DAB1: variants seen among roughly 807,000 people sequenced by gnomAD.
DAB1 encodes the protein DAB adaptor protein 1.
In DAB1, 15 loss-of-function variants were observed where a neutral mutation model predicts 64.6. That is an observed-to-expected ratio of 0.23 (90% CI 0.16 to 0.36). The LOEUF (loss-of-function observed/expected upper bound fraction) is 0.36. Ranked by LOEUF, DAB1 falls within the 10% of genes least tolerant of loss-of-function variation. The pLI, the probability that DAB1 is intolerant of heterozygous loss-of-function variation, is 1.00. For missense variants in DAB1, 596 were observed against 706.7 expected (o/e 0.84, Z 1.78); for synonymous variants, 235 against 251.9 (o/e 0.93, Z 0.64).
In DAB1 at chr1:58,079,515, C is replaced by CTTTTTTTTTTTTTTTTTTTTTTTTTTTT. The variant is rs66960756; in HGVS notation, n.387+70995_387+70996insAAAAAAAAAAAAAAAAAAAAAAAAAAAA. Among the ~76,000 whole-genome samples, 3 of 67,808 alleles carry CTTTTTTTTTTTTTTTTTTTTTTTTTTTT rather than the reference C, an allele frequency of 4.4e-5. 1 individual carries two copies. The highest frequency in any genetic ancestry group is 5.7e-5 in the African/African-American group (1 of 17,410). 44.5% of individuals were successfully genotyped at this position (67,808 alleles called of 152,430 possible). A position where few individuals can be genotyped will look rare whatever the true frequency, so the allele number is the denominator to read the frequency against. ...ATTGTTAAATGAATGAGCATACCAT[C>CTTTTTTTTTTTTTTTTTTTTTTTTTTTT]TTTTTTTTTTTTTTTTTTTTTTTTT... On this transcript the variant is annotated intron_variant and non_coding_transcript_variant, in intron 5 of 20. Transcript: ENST00000485760.
At chr1:57,816,699 C>G (rs1204470135) in intron 6 of DAB1, among the ~76,000 whole-genome samples, 1 of 152,166 alleles carries the variant, frequency 6.6e-6, no homozygotes, top group Non-Finnish European at 1.5e-5. Context: ...TTTACCCTCA[C>G]TTTTATAAAA....
intron 3 of DAB1, among the ~76,000 whole-genome samples, chr1:58,438,964 G>A (rs1289230889): frequency 6.6e-6 from 1 of 152,176 alleles, no homozygotes; most frequent in African/African-American, 2.4e-5. Context: ...GGGCGAGGCA[G>A]TGTGACGTAG....
chr1:57,151,807 ATTTTTTTT>A (rs34012935), intron 2 of DAB1, among the ~76,000 whole-genome samples: 56 of 106,254 alleles, frequency 5.3e-4, no homozygotes, highest in Non-Finnish European at 8.5e-4. Context: ...CTAATGTTTA[ATTTTTTTT>A]TTTTTTTTTT....
intron 3 of DAB1, among the ~76,000 whole-genome samples, chr1:58,363,553 A>T (rs1287077407): frequency 6.6e-6 from 1 of 152,230 alleles, no homozygotes; most frequent in African/African-American, 2.4e-5. Flanking sequence ...GTTAGTGTAC[A>T]GGTTAGGGGA....
intron 5 of DAB1, among the ~76,000 whole-genome samples, chr1:58,057,010 C>G (rs975259608): frequency 4.0e-5 from 6 of 151,866 alleles, no homozygotes; most frequent in African/African-American, 1.5e-4. Flanking sequence ...ATTAAACCCT[C>G]TTTGAATTAC....
intron 5 of DAB1, among the ~76,000 whole-genome samples, chr1:58,018,833 T>C (rs1232204472): frequency 2.0e-5 from 3 of 152,164 alleles, no homozygotes; most frequent in Admixed American, 6.5e-5. Flanking sequence ...ATGGGTAAGA[T>C]TCAAGATAAG....
chr1:57,340,528 G>A (rs1270745844), intron 1 of DAB1, among the ~76,000 whole-genome samples: 1 of 152,226 alleles, frequency 6.6e-6, no homozygotes, highest in Non-Finnish European at 1.5e-5. Context: ...AGCCACCGTG[G>A]AAACGCAGTC....
intron 4 of DAB1, among the ~76,000 whole-genome samples, chr1:58,168,987 A>G (rs984075878): frequency 3.3e-5 from 5 of 152,160 alleles, no homozygotes; most frequent in African/African-American, 4.8e-5. Context: ...ATGCATTGGT[A>G]AGGGCCACTA....
intron 2 of DAB1, among the ~76,000 whole-genome samples, chr1:57,281,134 C>A (rs923025592): frequency 1.3e-5 from 2 of 152,136 alleles, no homozygotes; most frequent in Admixed American, 6.6e-5. Flanking sequence ...TCAACACTGT[C>A]CTTAGTGGCA....
intron 4 of DAB1, among the ~76,000 whole-genome samples, chr1:58,175,100 T>A (rs182170885): frequency 6.6e-6 from 1 of 152,346 alleles, no homozygotes; most frequent in Admixed American, 6.5e-5. Flanking sequence ...GTTCTTTCAC[T>A]CTTCACAATA....
intron 7 of DAB1, among the ~76,000 whole-genome samples, chr1:57,474,944 A>G (rs1022630674): frequency 2.6e-5 from 4 of 152,124 alleles, no homozygotes; most frequent in African/African-American, 4.8e-5. Flanking sequence ...TGCTCCGTAA[A>G]GAAGATGAAA....
At chr1:57,895,276 A>C (rs1644376402) in intron 5 of DAB1, among the ~76,000 whole-genome samples, 1 of 152,158 alleles carries the variant, frequency 6.6e-6, no homozygotes, top group Admixed American at 6.6e-5. Flanking sequence ...GGTCAGACCT[A>C]TGGGGGTAAA....
chr1:57,127,817 C>T (rs1657270067), intron 4 of DAB1, among the ~76,000 whole-genome samples: 1 of 152,084 alleles, frequency 6.6e-6, no homozygotes, highest in African/African-American at 2.4e-5. Flanking sequence ...TAGCACCATG[C>T]CTGGCAATCA....
At chr1:58,502,272 T>A (rs1438699158) in intron 3 of DAB1, among the ~76,000 whole-genome samples, 1 of 152,210 alleles carries the variant, frequency 6.6e-6, no homozygotes, top group African/African-American at 2.4e-5. Context: ...TGGTTTCCTA[T>A]TTGCTTTCTT....
intron 6 of DAB1, among the ~76,000 whole-genome samples, chr1:57,728,152 C>A (rs987656837): frequency 2.6e-5 from 4 of 152,148 alleles, no homozygotes; most frequent in Non-Finnish European, 4.4e-5. Context: ...TCAAAGGTGA[C>A]CTCTGTGTGC....
At chr1:58,244,659 G>C (rs1452190110) in intron 4 of DAB1, among the ~76,000 whole-genome samples, 2 of 152,158 alleles carry the variant, frequency 1.3e-5, no homozygotes, top group Non-Finnish European at 2.9e-5. Flanking sequence ...GCACTAACTT[G>C]TGCCTAGGAC....
chr1:57,843,135 C>T (rs963053152), intron 1 of DAB1, among the ~76,000 whole-genome samples: 4 of 152,188 alleles, frequency 2.6e-5, no homozygotes, highest in Admixed American at 2.6e-4. Context: ...ATGTGTATCA[C>T]TTTTGCACCA....
At position 58,066,880 on chromosome 1, in the gene DAB1, C is replaced by G. The variant is rs189234936; in HGVS notation, n.387+83631G>C. Among the ~76,000 whole-genome samples the G allele has an allele frequency of 2.0e-4, 31 of 152,312 alleles. No homozygotes were observed. In the East Asian group the frequency reaches 6.0e-3, roughly 29 times the overall value. ...CAAAACAAAATTGAATGACATCTTT[C>G]TCTGCTGAATACCTTCAGCGACTCT... On this transcript the variant is annotated intron_variant and non_coding_transcript_variant, in intron 5 of 20. Transcript: ENST00000485760.
At chr1:58,456,469 C>T (rs1645194015) in intron 3 of DAB1, among the ~76,000 whole-genome samples, 1 of 152,060 alleles carries the variant, frequency 6.6e-6, no homozygotes, top group African/African-American at 2.4e-5. Flanking sequence ...CGAAGCAGAG[C>T]AGGCAGGGGT....
Sources: gnomAD v4.1 joint callset for allele counts (sites outside exome capture counted in the v4.1 genomes callset) on GRCh38, gnomAD v4.1.1 for gene constraint, MANE v1.5 for transcripts, NCBI Gene and HGNC (gene_info 2026-07-23, HGNC 2026-07-21) for gene names.